The following MYH15 variants were observed in gnomAD, a reference collection of about 807,000 sequenced individuals.
The protein encoded by MYH15 is myosin heavy chain 15, also known as myosin-15.
MYH15 carries 227 observed loss-of-function variants against 240.5 expected under a neutral mutation model. The ratio of observed to expected loss-of-function variants is 0.94; its 90% CI spans 0.85 to 1.05. MYH15 has a LOEUF of 1.05. Among genes scored for constraint, MYH15 ranks in the 50% least tolerant of loss-of-function variants. The pLI is 0.00. For missense variants in MYH15, 2,217 were observed against 2,247.5 expected (o/e 0.99, Z 0.27); for synonymous variants, 785 against 796.7 (o/e 0.99, Z 0.25).
Position 108,463,170 on chromosome 3 carries a change from T to C in MYH15, c.1805A>G (p.Gln602Arg), listed in dbSNP as rs1428770120. 2 of 1,613,436 alleles carry C rather than the reference T, an allele frequency of 1.2e-6. No individual in the cohort carries two copies. The highest frequency in any genetic ancestry group is 1.7e-6 in the Non-Finnish European group (2 of 1,179,694). ...CGCCAGGAGTCTGTTGGAAGACTTC[T>C]GAAATACAGCTACCACTGTTTCATT... ...LLNETVVAVF[Q>R]KSSNRLLASL... Residue 602 changes from glutamine to arginine, a missense_variant, in exon 16 of 41, where the codon CAG (glutamine) becomes CGG (arginine). Physicochemically the swap from Gln to Arg is conservative, Grantham distance 43 (BLOSUM62 1). Transcript: ENST00000693548.
At chr3:108,514,083 T>C (rs2083542082), upstream of MYH15, among the ~76,000 whole-genome samples, 1 of 152,184 alleles carries the variant, frequency 6.6e-6, no homozygotes, top group Non-Finnish European at 1.5e-5. Context: ...GCTTTTCCTC[T>C]TAGCCAAGAA....
chr3:108,421,882 C>G (rs2082687053), intron 27 of MYH15, among the ~76,000 whole-genome samples: 1 of 152,188 alleles, frequency 6.6e-6, no homozygotes, highest in African/African-American at 2.4e-5. Context: ...ATCCCCAAAC[C>G]CAACTTCTCA....
At chr3:108,423,125 G>C (rs932745502) in intron 27 of MYH15, among the ~76,000 whole-genome samples, 1 of 152,150 alleles carries the variant, frequency 6.6e-6, no homozygotes, top group Admixed American at 6.5e-5. Context: ...CTGCTTGAGC[G>C]CTTGCCGCCC....
the MYH15 span, among the ~76,000 whole-genome samples, chr3:108,542,384 C>T: frequency 6.6e-6 from 1 of 152,098 alleles, no homozygotes; most frequent in Non-Finnish European, 1.5e-5. Context: ...CTAAAATGCT[C>T]CATTTATTTT....
At chr3:108,480,998 T>C (rs1343370425) in intron 11 of MYH15, among the ~76,000 whole-genome samples, 1 of 152,016 alleles carries the variant, frequency 6.6e-6, no homozygotes. Flanking sequence ...TAAAGAAAAA[T>C]TCAACACCTC....
intron 10 of MYH15, among the ~76,000 whole-genome samples, chr3:108,485,438 G>C (rs2083298368): frequency 1.3e-5 from 2 of 152,216 alleles, no homozygotes; most frequent in African/African-American, 2.4e-5. Context: ...CACAAGACTA[G>C]GCTTGTTTAG....
chr3:108,499,078 G>A (rs1175678479), intron 5 of MYH15, among the ~76,000 whole-genome samples: 1 of 152,160 alleles, frequency 6.6e-6, no homozygotes, highest in Non-Finnish European at 1.5e-5. Flanking sequence ...ACAACTGCTT[G>A]TTATCTGTTC....
intron 2 of MYH15, among the ~76,000 whole-genome samples, chr3:108,504,443 G>A (rs952392793): frequency 2.6e-5 from 4 of 152,276 alleles, no homozygotes; most frequent in East Asian, 3.9e-4. Flanking sequence ...AGCATTCTAT[G>A]TGGTAGTTTA....
Position 108,441,091 on chromosome 3 carries a change from A to T in MYH15, c.2825T>A (p.Leu942Ter). The change falls in exon 23 of 41, where the codon TTG becomes TAG. Residue 942 changes from leucine to a stop codon, truncating the protein, a stop_gained. Transcript: ENST00000693548. LOFTEE classifies it high-confidence loss of function. ...TTCCAGGTCATCGATTTCTTTCTTC[A>T]ACTCAAAACATTCATCTTCGAGTTT... ...GRKLEDECFE[L>*]KKEIDDLETM... is the part of the protein sequence containing the mutation. The T allele has an allele frequency of 6.2e-7, 1 of 1,614,140 alleles. No individual in the cohort carries two copies. The highest frequency in any genetic ancestry group is 8.5e-7 in the Non-Finnish European group (1 of 1,180,012).
At chr3:108,516,898 G>C (rs1303634425) in intron 1 of MYH15, among the ~76,000 whole-genome samples, 1 of 152,122 alleles carries the variant, frequency 6.6e-6, no homozygotes, top group African/African-American at 2.4e-5. Context: ...TCCAGGCAAT[G>C]GAGTTTACAC....
At chr3:108,472,968 AAAC>A (rs1378323560) in intron 12 of MYH15, among the ~76,000 whole-genome samples, 2 of 152,198 alleles carry the variant, frequency 1.3e-5, no homozygotes, top group Non-Finnish European at 2.9e-5. Flanking sequence ...TGCATATAGA[AAAC>A]AACAACAGAA....
chr3:108,454,551 T>G (rs1480896874), intron 20 of MYH15, among the ~76,000 whole-genome samples: 1 of 152,156 alleles, frequency 6.6e-6, no homozygotes, highest in Admixed American at 6.6e-5. Flanking sequence ...ATACACAATC[T>G]CTGTAGGATA....
At chr3:108,487,530 T>C (rs1035894100) in intron 9 of MYH15, among the ~76,000 whole-genome samples, 3 of 152,174 alleles carry the variant, frequency 2.0e-5, no homozygotes, top group African/African-American at 7.2e-5. Flanking sequence ...ACAAGAAGAA[T>C]ATACACTCTA....
intron 1 of MYH15, among the ~76,000 whole-genome samples, chr3:108,515,679 G>A (rs2083556399): frequency 1.3e-5 from 2 of 152,156 alleles, no homozygotes; most frequent in Admixed American, 1.3e-4. Flanking sequence ...ACATTGTCTG[G>A]TGCATAGTAA....
intron 30 of MYH15, 62 bp downstream of exon 30, chr3:108,414,170 C>A (rs2082615705): frequency 6.5e-7 from 1 of 1,529,012 alleles, no homozygotes; most frequent in Non-Finnish European, 9.0e-7. Context: ...GAGACAGAGT[C>A]ATTATTCTCA....
chr3:108,469,039 C>A (rs1239348894), intron 14 of MYH15, among the ~76,000 whole-genome samples: 2 of 152,098 alleles, frequency 1.3e-5, no homozygotes, highest in African/African-American at 2.4e-5. Flanking sequence ...GCCTGTCTTT[C>A]CCCCAGGAAG....
At chr3:108,550,811 G>A in the MYH15 span, 2 of 154,890 alleles carry the variant, frequency 1.3e-5, no homozygotes, top group East Asian at 1.9e-4. Flanking sequence ...AATCACAAAT[G>A]AGAATAAATA....
chr3:108,450,019 T>G (rs1355022818), intron 21 of MYH15, among the ~76,000 whole-genome samples: 1 of 151,976 alleles, frequency 6.6e-6, no homozygotes, highest in Non-Finnish European at 1.5e-5. Flanking sequence ...TGAGATATCA[T>G]CTCACACCTG....
intron 6 of MYH15, among the ~76,000 whole-genome samples, chr3:108,496,474 T>C (rs2083391297): frequency 6.6e-6 from 1 of 152,204 alleles, no homozygotes; most frequent in African/African-American, 2.4e-5. Context: ...CCAGTCAGCC[T>C]CAAAGACCAA....
Sources: allele counts gnomAD v4.1 joint callset (sites outside exome capture counted in the v4.1 genomes callset), GRCh38; gene constraint gnomAD v4.1.1; transcripts MANE v1.5; gene names NCBI Gene and HGNC (gene_info 2026-07-23, HGNC 2026-07-21).